The following NLGN1 variants were observed in gnomAD, a reference collection of about 807,000 sequenced individuals.
NLGN1 encodes neuroligin-1.
NLGN1 carries 12 observed loss-of-function variants against 65.5 expected under a neutral mutation model. That is an observed-to-expected ratio of 0.18 (90% CI 0.12 to 0.30). The LOEUF (loss-of-function observed/expected upper bound fraction) is 0.30. NLGN1 is among the 10% of genes least tolerant of loss of function. The pLI, the probability that NLGN1 is intolerant of heterozygous loss-of-function variation, is 1.00. For missense variants in NLGN1, 750 were observed against 1,007.1 expected, an observed-to-expected ratio of 0.74 and a Z score of 3.46; for synonymous variants, 350 against 359.5, an observed-to-expected ratio of 0.97 and a Z score of 0.30.
intron 3 of NLGN1, among the ~76,000 whole-genome samples, chr3:173,777,390 T>C (rs994829140): frequency 6.6e-6 from 1 of 151,866 alleles, no homozygotes; most frequent in African/African-American, 2.4e-5. Context: ...TTGTTTTTAA[T>C]TGATATATAG....
At chr3:173,453,846 T>C (rs1368457607) in intron 2 of NLGN1, among the ~76,000 whole-genome samples, 2 of 152,190 alleles carry the variant, frequency 1.3e-5, no homozygotes. Flanking sequence ...TATTTTGATC[T>C]CCTCCCATGA....
intron 4 of NLGN1, among the ~76,000 whole-genome samples, chr3:173,983,263 T>C (rs1719165438): frequency 1.3e-5 from 2 of 152,172 alleles, no homozygotes; most frequent in South Asian, 2.1e-4. Flanking sequence ...TGCCATAAGC[T>C]AGAAGTAACT....
At chr3:173,971,894 T>A (rs944076640) in intron 4 of NLGN1, among the ~76,000 whole-genome samples, 5 of 152,036 alleles carry the variant, frequency 3.3e-5, no homozygotes, top group Admixed American at 1.3e-4. Flanking sequence ...CTTAGGCTAC[T>A]GGCCTAAGCA....
At chr3:174,186,507 ATATCAGATTTATCAT>A (rs925145020) in intron 4 of NLGN1, among the ~76,000 whole-genome samples, 8 of 152,032 alleles carry the variant, frequency 5.3e-5, no homozygotes, top group African/African-American at 1.7e-4. Flanking sequence ...GTAGATTAGC[ATATCAGATTTATCAT>A]TCTGATACAT....
intron 1 of NLGN1, among the ~76,000 whole-genome samples, chr3:173,400,205 A>G (rs1403647274): frequency 2.6e-5 from 4 of 152,104 alleles, no homozygotes; most frequent in African/African-American, 9.7e-5. Flanking sequence ...GTTATGTTTT[A>G]ATTATCTGTA....
intron 4 of NLGN1, among the ~76,000 whole-genome samples, chr3:174,211,678 C>A (rs1373890261): frequency 2.7e-5 from 4 of 150,038 alleles, no homozygotes; most frequent in African/African-American, 9.8e-5. Flanking sequence ...TATTTACAAA[C>A]CTTGAGCTAG....
At chr3:173,539,692 A>ATATGCACATACATACATATATGTG (rs1560406608) in intron 2 of NLGN1, among the ~76,000 whole-genome samples, 4 of 135,018 alleles carry the variant, frequency 3.0e-5, no homozygotes, top group African/African-American at 1.2e-4. Flanking sequence ...ACATATATGT[A>ATATGCACATACATACATATATGTG]CATATGCACA....
chr3:174,207,378 G>A (rs1447765539), intron 4 of NLGN1, among the ~76,000 whole-genome samples: 1 of 152,102 alleles, frequency 6.6e-6, no homozygotes, highest in East Asian at 1.9e-4. Context: ...ACAGGATTTG[G>A]CATAAAGTAG....
intron 2 of NLGN1, among the ~76,000 whole-genome samples, chr3:173,584,071 A>C (rs972716860): frequency 7.0e-6 from 1 of 143,022 alleles, no homozygotes; most frequent in Non-Finnish European, 1.5e-5. Context: ...ATTTTTGTAG[A>C]CAAAAAAAAA....
At chr3:173,559,402 A>T (rs1422024791) in intron 2 of NLGN1, among the ~76,000 whole-genome samples, 1 of 152,158 alleles carries the variant, frequency 6.6e-6, no homozygotes, top group Non-Finnish European at 1.5e-5. Context: ...GTGTCTGCCT[A>T]TACATAGACT....
At chr3:173,680,469 T>C (rs998692172) in intron 3 of NLGN1, among the ~76,000 whole-genome samples, 1 of 152,212 alleles carries the variant, frequency 6.6e-6, no homozygotes, top group African/African-American at 2.4e-5. Flanking sequence ...AAATGCAATT[T>C]TGAATTAATT....
At chr3:174,189,238 C>T (rs189798388) in intron 4 of NLGN1, among the ~76,000 whole-genome samples, 203 of 152,058 alleles carry the variant, frequency 1.3e-3, no homozygotes, top group African/African-American at 4.4e-3. Flanking sequence ...GAATGAAAGA[C>T]GCAGAGCAAA....
chr3:173,565,640 A>G (rs1327354137), intron 2 of NLGN1, among the ~76,000 whole-genome samples: 1 of 152,208 alleles, frequency 6.6e-6, no homozygotes, highest in African/African-American at 2.4e-5. Context: ...ACTACAAGGT[A>G]ACTCTCACCA....
chr3:174,278,394 C>CTGTT (rs1285841388), intron 5 of NLGN1, among the ~76,000 whole-genome samples: 2 of 151,912 alleles, frequency 1.3e-5, no homozygotes, highest in African/African-American at 4.8e-5. Flanking sequence ...CAAATAACAT[C>CTGTT]TGTTTAAAAC....
At chr3:173,523,178 A>G (rs1182490507) in intron 2 of NLGN1, among the ~76,000 whole-genome samples, 1 of 151,550 alleles carries the variant, frequency 6.6e-6, no homozygotes, top group East Asian at 1.9e-4. Flanking sequence ...TGCATAATAT[A>G]AAAATATTTT....
chr3:173,781,483 T>C (rs892180206), intron 3 of NLGN1, among the ~76,000 whole-genome samples: 1 of 152,224 alleles, frequency 6.6e-6, no homozygotes, highest in African/African-American at 2.4e-5. Flanking sequence ...TTATCTTTGA[T>C]GGGCATTGTA....
At chr3:173,807,774 C>T in exon 4 of NLGN1, 4 of 1,613,744 alleles carry the variant, frequency 2.5e-6, no homozygotes, top group Non-Finnish European at 3.4e-6. Context: ...ATGGAAGTGT[C>T]TTGGCAAGTT....
At chr3:173,795,270 T>G (rs116236632) in intron 3 of NLGN1, among the ~76,000 whole-genome samples, 1 of 152,090 alleles carries the variant, frequency 6.6e-6, no homozygotes, top group Non-Finnish European at 1.5e-5. Context: ...TTCCAATATC[T>G]CATTGGAGTG....
chr3:173,838,145 C>CT (rs1724023042), intron 4 of NLGN1, among the ~76,000 whole-genome samples: 1 of 151,324 alleles, frequency 6.6e-6, no homozygotes, highest in Non-Finnish European at 1.5e-5. Flanking sequence ...GTCTGATTAA[C>CT]TTGAGCATTT....
Sources: allele counts gnomAD v4.1 joint callset (sites outside exome capture counted in the v4.1 genomes callset), GRCh38; gene constraint gnomAD v4.1.1; transcripts MANE v1.5; gene names NCBI Gene and HGNC (gene_info 2026-07-23, HGNC 2026-07-21).